Variants in MAX observed in about 807,000 individuals in gnomAD.
MAX encodes protein max.
A neutral mutation model predicts 22.3 loss-of-function variants in MAX; 3 were observed. The ratio of observed to expected loss-of-function variants is 0.13; its 90% confidence interval spans 0.06 to 0.35. The LOEUF (loss-of-function observed/expected upper bound fraction) is 0.35, where lower values mean the gene tolerates loss of function less well. Among genes scored for constraint, MAX ranks in the 10% least tolerant of loss-of-function variants. MAX has a pLI of 1.00. For missense variants in MAX, 119 were observed against 209.4 expected, an observed-to-expected ratio of 0.57 and a Z score of 2.66; for synonymous variants, 72 against 77.7, an observed-to-expected ratio of 0.93 and a Z score of 0.39.
chr14:65,060,165 T>A (rs2062830020), intron 3 of MAX, among the ~76,000 whole-genome samples: 1 of 152,016 alleles, frequency 6.6e-6, no homozygotes, highest in Non-Finnish European at 1.5e-5. Flanking sequence ...TAAATACATG[T>A]TTATTGTTTT....
chr14:65,078,533 G>GTTTTT lies in MAX; in HGVS notation c.172-502_172-498dup, dbSNP rs1157935028. Among the ~76,000 whole-genome samples, 1 of 136,198 alleles carries GTTTTT rather than the reference G, an allele frequency of 7.3e-6. No individual in the cohort carries two copies. The highest frequency in any genetic ancestry group is 1.6e-5 in the Non-Finnish European group (1 of 63,312). The allele number at this position is 136,198 out of a possible 152,430, so 89.4% of individuals were successfully genotyped here. On this transcript the variant is annotated intron_variant, in intron 3 of 4. Coordinates refer to ENST00000358664, the MANE Select transcript of MAX (RefSeq NM_002382.5). This position sits in a 1 kb window ranked among gnomAD's most constrained non-coding sequence, Gnocchi z 6.4. The stretch of plus-strand genomic sequence containing the variant: ...GCCTGTTGTTGTTGTTGTTGTTGTT[G>GTTTTT]TTTTTTTTTTTTTGGAGACGTAGTC...
At chr14:65,046,290 T>C (rs2062475343) in intron 3 of MAX, among the ~76,000 whole-genome samples, 1 of 152,154 alleles carries the variant, frequency 6.6e-6, no homozygotes, top group Non-Finnish European at 1.5e-5. Flanking sequence ...ATTTCTAAGA[T>C]AGAAAAAAAC....
At position 65,047,978 on chromosome 14, in the gene MAX, ATTTTTTT is replaced by A. The variant is rs34879850; in HGVS notation, c.172-41701_172-41695del. On this transcript the variant is annotated intron_variant, in intron 3 of 3. Coordinates refer to the MAX transcript ENST00000341653. This position sits in a 1 kb window ranked among gnomAD's most constrained non-coding sequence, Gnocchi z 5.2. ...AGACAGAAGGAGGGAGACTTTTTAG[ATTTTTTT>A]TTTTTTTTTTTTTTTTTTTTGAGAC... 1.1e-4 allele frequency among the ~76,000 whole-genome samples: 7 copies of A among 64,146 alleles called. No homozygotes were observed. In the South Asian group the frequency reaches 1.9e-3, roughly 17 times the overall value. 42.1% of individuals were successfully genotyped at this position (64,146 alleles called of 152,430 possible).
At chr14:65,040,704 C>T (rs747525155) in intron 3 of MAX, 2 of 1,325,456 alleles carry the variant, frequency 1.5e-6, no homozygotes, top group Non-Finnish European at 2.0e-6. Flanking sequence ...TCTGAGTGAA[C>T]TTTTTCTCTG....
In MAX at chr14:65,037,311, C is replaced by T. The variant is rs777097417; in HGVS notation, c.172-31027G>A. On this transcript the variant is annotated intron_variant, in intron 3 of 3. Transcript: ENST00000341653. Reference sequence around the variant, plus strand: ...TAGAGATGGGGTTTTACCATGTTGGCCAGGCTGGTCTCGAACTCCTGACCT... The same window carrying T: ...TAGAGATGGGGTTTTACCATGTTGGTCAGGCTGGTCTCGAACTCCTGACCT... Among the ~76,000 whole-genome samples, 3 of 143,408 alleles carry T rather than the reference C, an allele frequency of 2.1e-5. 1 individual carries two copies. Among genetic ancestry groups the T allele is most frequent in the Non-Finnish European group, 4.5e-5 (3 of 66,554 alleles). The allele number at this position is 143,408 out of a possible 152,430, so 94.1% of individuals were successfully genotyped here. A position where few individuals can be genotyped will look rare whatever the true frequency, so the allele number is the denominator to read the frequency against.
At chr14:65,086,351 A>T (rs2139815722) in intron 3 of MAX, among the ~76,000 whole-genome samples, 1 of 152,338 alleles carries the variant, frequency 6.6e-6, no homozygotes, top group African/African-American at 2.4e-5. Context: ...AGAGGTTGGA[A>T]CAATTTGAAG....
At chr14:65,053,444 G>C in intron 3 of MAX, 1 of 1,096,678 alleles carries the variant, frequency 9.1e-7, no homozygotes, top group Non-Finnish European at 1.2e-6. Flanking sequence ...CTCAAGAGCA[G>C]AGGTGTCACC....
At chr14:65,086,690 TAA>T (rs2063342811) in intron 3 of MAX, among the ~76,000 whole-genome samples, 1 of 152,216 alleles carries the variant, frequency 6.6e-6, no homozygotes, top group Admixed American at 6.5e-5. Context: ...TTCAGTTTTA[TAA>T]GAGAAGCAGA....
At chr14:65,094,741 T>C (rs1443094326) in intron 2 of MAX, among the ~76,000 whole-genome samples, 1 of 152,226 alleles carries the variant, frequency 6.6e-6, no homozygotes, top group East Asian at 1.9e-4. Context: ...CTGGAGAGCA[T>C]GATAAGAGCA....
rs371623487 is a variant in MAX at position 65,093,858 on chromosome 14, T to C, written c.64-43A>G. On this transcript the variant is annotated intron_variant, in intron 2 of 4. Coordinates refer to ENST00000358664, the MANE Select transcript of MAX (RefSeq NM_002382.5). The surrounding 1 kb of genome is among the most constrained non-coding windows in gnomAD (Gnocchi z 4.4). Reference sequence around the variant, plus strand: ...AGAACACATTAGGAATGTCACTCCTTTTGCTTGGTACAAGGTGGGTGGGGT... The same window carrying C: ...AGAACACATTAGGAATGTCACTCCTCTTGCTTGGTACAAGGTGGGTGGGGT... 1 of 1,148,064 alleles carries C rather than the reference T, an allele frequency of 8.7e-7. No individual in the cohort carries two copies. The highest frequency in any genetic ancestry group is 1.3e-6 in the Non-Finnish European group (1 of 754,254). The allele number at this position is 1,148,064 out of a possible 1,614,324, so 71.1% of individuals were successfully genotyped here. A position where few individuals can be genotyped will look rare whatever the true frequency, so the allele number is the denominator to read the frequency against.
rs1555335876 is a variant in MAX, at chr14:65,037,403, C to CTTTTTT, written c.172-31125_172-31120dup. On this transcript the variant is annotated intron_variant, in intron 3 of 3. Transcript: ENST00000341653. ...TAGGCGTGAGCCACCACGCCGGGCCCTTTTTTTTTTTTTTTTTTTTTTTTT... is the reference window on the plus strand; with the variant it reads ...TAGGCGTGAGCCACCACGCCGGGCCCTTTTTTTTTTTTTTTTTTTTTTTTTTTTTTT... Among the ~76,000 whole-genome samples the CTTTTTT allele has an allele frequency of 2.0e-3, 59 of 29,674 alleles. 11 individuals are homozygous for CTTTTTT. The highest frequency in any genetic ancestry group is 5.9e-3 in the Admixed American group (14 of 2,374). 19.5% of individuals were successfully genotyped at this position (29,674 alleles called of 152,430 possible).
intron 3 of MAX, chr14:65,015,408 A>ATCTTTTT (rs2061752412): frequency 2.9e-6 from 1 of 344,720 alleles, no homozygotes; most frequent in African/African-American, 2.6e-5. Flanking sequence ...CAGCCTTGTT[A>ATCTTTTT]TCTTTTTTTT....
Position 65,075,409 on chromosome 14 carries a change from A to G in MAX, c.*1067T>C. 9.4e-7 allele frequency: 1 copy of G among 1,063,316 alleles called. No homozygotes were observed. The highest frequency in any genetic ancestry group is 1.1e-6 in the Non-Finnish European group (1 of 877,730). The allele number at this position is 1,063,316 out of a possible 1,614,324, so 65.9% of individuals were successfully genotyped here. On this transcript the variant is annotated 3_prime_UTR_variant, in exon 5 of 5. Transcript: ENST00000358664. This position sits in a 1 kb window ranked among gnomAD's most constrained non-coding sequence, Gnocchi z 4.1. ...ACACAATGGAGACAGGTTCCAGGAC[A>G]GTAGGAAAGGAAGTGGGATGAGGGC...
chr14:65,091,348 C>T (rs1209995315), intron 3 of MAX, among the ~76,000 whole-genome samples: 1 of 152,162 alleles, frequency 6.6e-6, no homozygotes, highest in East Asian at 1.9e-4. Context: ...ATAGACATTT[C>T]CTTCATTCAC....
chr14:65,066,098 G>A (rs1246335117), intron 3 of MAX, among the ~76,000 whole-genome samples: 2 of 152,196 alleles, frequency 1.3e-5, no homozygotes, highest in Non-Finnish European at 1.5e-5. Context: ...AGGCTGGATG[G>A]CTGAGGCCCT....
At chr14:65,008,016 T>A (rs2061622403) in intron 3 of MAX, among the ~76,000 whole-genome samples, 1 of 152,220 alleles carries the variant, frequency 6.6e-6, no homozygotes, top group South Asian at 2.1e-4. Context: ...CCGTGTTTTC[T>A]ACTATTCCTG....
At chr14:65,055,987 T>A (rs1444078011) in intron 3 of MAX, among the ~76,000 whole-genome samples, 1 of 150,918 alleles carries the variant, frequency 6.6e-6, no homozygotes, top group Non-Finnish European at 1.5e-5. Flanking sequence ...CTCTTCCAGT[T>A]TTTTTTCCTC....
intron 3 of MAX, among the ~76,000 whole-genome samples, chr14:65,040,278 T>A (rs1016904587): frequency 6.7e-6 from 1 of 148,850 alleles, no homozygotes; most frequent in Non-Finnish European, 1.5e-5. Context: ...TGTATATATA[T>A]GTGTGTATAT....
At chr14:65,068,469 T>C (rs762412991) in intron 3 of MAX, among the ~76,000 whole-genome samples, 27 of 152,208 alleles carry the variant, frequency 1.8e-4, no homozygotes, top group Non-Finnish European at 3.1e-4. Context: ...TTATGCTCCA[T>C]ATGTTTGAAG....
Sources: allele counts gnomAD v4.1 joint callset (sites outside exome capture counted in the v4.1 genomes callset), GRCh38; gene constraint gnomAD v4.1.1; non-coding constraint Gnocchi (gnomAD v3.1); transcripts MANE v1.5; gene names NCBI Gene and HGNC (gene_info 2026-07-23, HGNC 2026-07-21).